TRPC3: variants seen among roughly 807,000 people sequenced by gnomAD.
TRPC3 encodes the protein transient receptor potential cation channel subfamily C member 3.
A neutral mutation model predicts 90.9 loss-of-function variants in TRPC3; 54 were observed. The observed-to-expected ratio is 0.59, with a 90% confidence interval of 0.48 to 0.75. TRPC3 has a LOEUF of 0.75. Among genes scored for constraint, TRPC3 ranks in the 30% least tolerant of loss-of-function variants. The probability of loss-of-function intolerance (pLI) is 0.00; values close to 1 mark genes in which losing one functional copy is unlikely to be tolerated. For synonymous variants in TRPC3, 424 were observed against 450.9 expected (o/e 0.94, Z 0.75); for missense variants, 918 against 1,194.5 (o/e 0.77, Z 3.41).
At chr4:121,889,922 C>T (rs1728262430) in intron 10 of TRPC3, among the ~76,000 whole-genome samples, 2 of 152,162 alleles carry the variant, frequency 1.3e-5, no homozygotes, top group South Asian at 4.1e-4. Flanking sequence ...ACCTAACTGT[C>T]CATCAGCAGA....
At chr4:121,920,847 A>T (rs1729475732) in intron 3 of TRPC3, among the ~76,000 whole-genome samples, 1 of 152,210 alleles carries the variant, frequency 6.6e-6, no homozygotes, top group African/African-American at 2.4e-5. Context: ...GATATTAAGA[A>T]GATCAATCTT....
intron 3 of TRPC3, among the ~76,000 whole-genome samples, chr4:121,921,942 G>A (rs1286321943): frequency 2.8e-5 from 4 of 143,974 alleles, no homozygotes; most frequent in South Asian, 2.2e-4. Context: ...TTTTCGAGTC[G>A]GAGTCTCGCT....
At chr4:121,920,442 T>C (rs1382780124) in intron 3 of TRPC3, among the ~76,000 whole-genome samples, 2 of 152,006 alleles carry the variant, frequency 1.3e-5, no homozygotes, top group East Asian at 3.9e-4. Flanking sequence ...GAAAATTGCT[T>C]GAACCTGGGA....
intron 11 of TRPC3, among the ~76,000 whole-genome samples, chr4:121,881,152 C>T (rs562308327): frequency 6.6e-5 from 10 of 152,236 alleles, no homozygotes; most frequent in Admixed American, 1.3e-4. Flanking sequence ...GAGACTACAA[C>T]CTATGTGTTG....
At chr4:121,937,672 C>A (rs1730175910) in intron 1 of TRPC3, among the ~76,000 whole-genome samples, 1 of 152,132 alleles carries the variant, frequency 6.6e-6, no homozygotes, top group South Asian at 2.1e-4. Context: ...GATTAAAGTG[C>A]CAAAGTCAAC....
chr4:121,923,578 A>C (rs1340076092), intron 3 of TRPC3, among the ~76,000 whole-genome samples: 2 of 152,236 alleles, frequency 1.3e-5, no homozygotes, highest in East Asian at 3.8e-4. Context: ...TTATTGAGAA[A>C]TCACCATGTA....
chr4:121,912,981 G>T (rs1443515633), intron 4 of TRPC3, among the ~76,000 whole-genome samples: 1 of 152,198 alleles, frequency 6.6e-6, no homozygotes, highest in Non-Finnish European at 1.5e-5. Context: ...TTTTAACTCT[G>T]TCTGTGACCT....
chr4:121,910,259 C>G lies in TRPC3; in HGVS notation c.1687G>C (p.Ala563Pro). ...FIAAFTARFL[A>P]FLQATKAQQY... ...TGTGCCTTCGTTGCCTGAAGGAAAG[C>G]TAGGAATCTGGCTGTGAAAGCAGCA... The change falls in exon 6 of 12, where the codon GCT becomes CCT. Residue 563 changes from alanine (A) to proline (P), a missense_variant. Ala to Pro is a conservative substitution (Grantham distance 27, BLOSUM62 -1). Transcript: ENST00000379645. 1 of 1,613,768 alleles carries G rather than the reference C, an allele frequency of 6.2e-7. No individual in the cohort carries two copies. Among genetic ancestry groups the G allele is most frequent in the East Asian group, 2.2e-5 (1 of 44,872 alleles).
In TRPC3 at chr4:121,914,762, G is replaced by A. The variant is rs1729244719; in HGVS notation, c.1341+18C>T. 6.3e-7 allele frequency: 1 copy of A among 1,585,392 alleles called. No homozygotes were observed. Among genetic ancestry groups the A allele is most frequent in the Non-Finnish European group, 8.6e-7 (1 of 1,159,594 alleles). ...ACAGTACACCACCACAGAGGAAATA[G>A]ATGTAGAAAGCAAGTACCCTGCTGC... On this transcript the variant is annotated intron_variant, in intron 4 of 11. Transcript: ENST00000379645.
At chr4:121,904,296 A>T in intron 8 of TRPC3, 26 bp downstream of exon 8, 3 of 1,583,162 alleles carry the variant, frequency 1.9e-6, no homozygotes, top group Non-Finnish European at 2.6e-6. Flanking sequence ...ACAAGGATAG[A>T]TACTATGGAT....
intron 3 of TRPC3, among the ~76,000 whole-genome samples, chr4:121,916,394 C>T (rs577995139): frequency 1.2e-4 from 18 of 152,310 alleles, no homozygotes; most frequent in Admixed American, 1.0e-3. Context: ...GCGTACTTAA[C>T]GACCCACAGA....
intron 2 of TRPC3, among the ~76,000 whole-genome samples, chr4:121,930,585 T>C (rs2149140657): frequency 6.6e-6 from 1 of 152,276 alleles, no homozygotes; most frequent in South Asian, 2.1e-4. Flanking sequence ...TTTAGTAAAT[T>C]ATTAAAACAC....
chr4:121,949,719 A>G (rs889874361), intron 1 of TRPC3, among the ~76,000 whole-genome samples: 1 of 152,168 alleles, frequency 6.6e-6, no homozygotes, highest in Admixed American at 6.5e-5. Flanking sequence ...CTTCTTCTCG[A>G]CCTCTACAAA....
intron 1 of TRPC3, among the ~76,000 whole-genome samples, chr4:121,940,212 C>T (rs1730260359): frequency 6.6e-6 from 1 of 152,200 alleles, no homozygotes; most frequent in Non-Finnish European, 1.5e-5. Flanking sequence ...AAATGTAGAG[C>T]AAGCCTTCCC....
intron 9 of TRPC3, among the ~76,000 whole-genome samples, chr4:121,901,972 A>C (rs1728720850): frequency 6.6e-6 from 1 of 152,224 alleles, no homozygotes; most frequent in African/African-American, 2.4e-5. Context: ...ACAATTCTTG[A>C]AGATTCACAA....
chr4:121,903,129 G>T, intron 8 of TRPC3, 68 bp from the exon 9 acceptor site: 1 of 1,401,542 alleles, frequency 7.1e-7, no homozygotes, highest in Non-Finnish European at 9.6e-7. Context: ...GTTGCTAATA[G>T]GTTTTTTACA....
chr4:121,943,182 A>AC lies in TRPC3; in HGVS notation c.215+8283_215+8284insG, dbSNP rs774730506. On this transcript the variant is annotated intron_variant, in intron 1 of 11. Coordinates refer to ENST00000379645, the MANE Select transcript of TRPC3 (RefSeq NM_001130698.2). Reference sequence around the variant, plus strand: ...TCACTGAAGACCTAAGGAACAGATAATTTTCCCCCCCTAGATTACAGAATA... The same window carrying AC: ...TCACTGAAGACCTAAGGAACAGATAACTTTTCCCCCCCTAGATTACAGAATA... Among the ~76,000 whole-genome samples the AC allele has an allele frequency of 1.6e-3, 181 of 110,330 alleles. 1 individual carries two copies. The highest frequency in any genetic ancestry group is 4.2e-3 in the Middle Eastern group (1 of 238). 72.4% of individuals were successfully genotyped at this position (110,330 alleles called of 152,430 possible).
intron 10 of TRPC3, among the ~76,000 whole-genome samples, chr4:121,891,149 G>A (rs1456751362): frequency 2.0e-5 from 3 of 152,138 alleles, no homozygotes; most frequent in Non-Finnish European, 4.4e-5. Flanking sequence ...AAAACAATCA[G>A]GCTGGCCTCA....
chr4:121,938,105 TTTTA>T (rs1207281933), intron 1 of TRPC3, among the ~76,000 whole-genome samples: 1 of 152,052 alleles, frequency 6.6e-6, no homozygotes, highest in Non-Finnish European at 1.5e-5. Context: ...TACAGTCATG[TTTTA>T]TTTATCATTA....
Sources: allele counts gnomAD v4.1 joint callset (sites outside exome capture counted in the v4.1 genomes callset), GRCh38; gene constraint gnomAD v4.1.1; transcripts MANE v1.5; gene names NCBI Gene and HGNC (gene_info 2026-07-23, HGNC 2026-07-21).